The following HRH1 variants were observed in gnomAD, a reference collection of about 807,000 sequenced individuals.
HRH1 encodes histamine receptor H1.
Under a neutral mutation model 10.3 loss-of-function variants are expected in HRH1, and 6 were observed. That is an observed-to-expected ratio of 0.58 (90% CI 0.32 to 1.15). The LOEUF (loss-of-function observed/expected upper bound fraction) is 1.15. HRH1 is among the 50% of genes most tolerant of loss of function. HRH1 has a pLI of 0.05. For synonymous variants in HRH1, 242 were observed against 236.7 expected, an observed-to-expected ratio of 1.02 and a Z score of -0.21; for missense variants, 514 against 615.3, an observed-to-expected ratio of 0.84 and a Z score of 1.74.
rs542902902 is a variant in HRH1 at position 11,206,179 on chromosome 3, A to G, written c.-36+51625A>G. On this transcript the variant is annotated intron_variant, in intron 1 of 1. Transcript: ENST00000431010. ...ACCCAGGCTGGAGTGCAATGGTGCA[A>G]TCTCGGCCCACTGCAACTTCTGCCT... is the stretch of plus-strand genomic sequence containing the variant. Among the ~76,000 whole-genome samples the G allele has an allele frequency of 1.7e-4, 26 of 152,238 alleles. No homozygotes were observed. The South Asian group carries it at 5.4e-3, about 32-fold the overall frequency.
At chr3:11,148,196 A>G (rs1267976146) in intron 1 of HRH1, among the ~76,000 whole-genome samples, 1 of 149,266 alleles carries the variant, frequency 6.7e-6, no homozygotes, top group African/African-American at 2.5e-5. Flanking sequence ...AAAAAAAAAA[A>G]AAGAAAAGAA....
rs1001921495 is a variant in HRH1 at position 11,235,665 on chromosome 3, G to A, written c.-35-23338G>A. Among the ~76,000 whole-genome samples, 9 of 152,192 alleles carry A rather than the reference G, an allele frequency of 5.9e-5. No individual in the cohort carries two copies. In the East Asian group the frequency reaches 1.3e-3, roughly 23 times the overall value. ...GTCCCGGCTCCCTGCTAGGAATGGC[G>A]GGGACGCCACCCCAGCAAGGGGAGT... On this transcript the variant is annotated intron_variant, in intron 1 of 1. Coordinates refer to ENST00000431010, the MANE Select transcript of HRH1 (RefSeq NM_001098212.2).
At chr3:11,139,043 A>G (rs1936241334) in intron 1 of HRH1, among the ~76,000 whole-genome samples, 1 of 149,582 alleles carries the variant, frequency 6.7e-6, no homozygotes, top group African/African-American at 2.5e-5. Flanking sequence ...GCTAGAGTGC[A>G]ATGGTGCGAT....
intron 1 of HRH1, among the ~76,000 whole-genome samples, chr3:11,215,945 A>G (rs1161686988): frequency 2.0e-5 from 3 of 151,912 alleles, no homozygotes; most frequent in Admixed American, 6.6e-5. Context: ...ACATCTTTTC[A>G]TGTCATCAAA....
At chr3:11,191,539 G>T (rs1212177719) in intron 1 of HRH1, among the ~76,000 whole-genome samples, 2 of 152,148 alleles carry the variant, frequency 1.3e-5, no homozygotes, top group African/African-American at 4.8e-5. Context: ...GCCAAGTAGA[G>T]AATCTGTAAT....
intron 1 of HRH1, among the ~76,000 whole-genome samples, chr3:11,193,820 C>T (rs1330119422): frequency 6.6e-6 from 1 of 152,124 alleles, no homozygotes; most frequent in Non-Finnish European, 1.5e-5. Context: ...GAGCACTAAT[C>T]CCATTCAGGA....
At chr3:11,233,721 C>T (rs1458723348) in intron 1 of HRH1, among the ~76,000 whole-genome samples, 1 of 152,116 alleles carries the variant, frequency 6.6e-6, no homozygotes, top group Non-Finnish European at 1.5e-5. Context: ...CAAAATGTAT[C>T]GGGAATGAAG....
chr3:11,169,506 G>A (rs1937112742), intron 1 of HRH1, among the ~76,000 whole-genome samples: 1 of 152,170 alleles, frequency 6.6e-6, no homozygotes, highest in African/African-American at 2.4e-5. Context: ...AGGGCTCAGA[G>A]CACAGAGTGG....
chr3:11,214,443 C>T (rs1938426435), intron 1 of HRH1, among the ~76,000 whole-genome samples: 1 of 152,176 alleles, frequency 6.6e-6, no homozygotes, highest in Non-Finnish European at 1.5e-5. Context: ...CAAAAGAAAC[C>T]AGTCGGTAAT....
chr3:11,236,262 C>G (rs533642822), intron 1 of HRH1, among the ~76,000 whole-genome samples: 41 of 152,186 alleles, frequency 2.7e-4, no homozygotes, highest in Non-Finnish European at 4.7e-4. Context: ...GAAACACTGT[C>G]TACTAAATAC....
At chr3:11,219,714 C>CA (rs58875644) in intron 1 of HRH1, among the ~76,000 whole-genome samples, 2,090 of 76,006 alleles carry the variant, frequency 0.027, 116 homozygotes, top group African/African-American at 0.085. Context: ...GACTTCATCT[C>CA]AAAAAAAAAA....
rs1203959102 is a variant in HRH1, at chr3:11,259,963, A to C, written c.926A>C (p.His309Pro). 1.9e-6 allele frequency: 3 copies of C among 1,614,194 alleles called. No homozygotes were observed. Among genetic ancestry groups the C allele is most frequent in the Non-Finnish European group, 1.7e-6 (2 of 1,180,026 alleles). The change falls in exon 2 of 2, where the codon CAC becomes CCC. Residue 309 changes from histidine to proline, a missense_variant. Coordinates refer to ENST00000431010, the MANE Select transcript of HRH1 (RefSeq NM_001098212.2). The surrounding 1 kb of genome is among the most constrained non-coding windows in gnomAD (Gnocchi z 4.6). The stretch of plus-strand genomic sequence containing the variant: ...TACTGCTTTCCACTTGATATTGTGC[A>C]CATGCAGGCTGCGGCAGAGGGGAGT... Reference protein sequence around the residue: ...KLYCFPLDIVHMQAAAEGSSR... With the variant: ...KLYCFPLDIVPMQAAAEGSSR...
chr3:11,151,319 A>G (rs1267023289), upstream of HRH1, among the ~76,000 whole-genome samples: 2 of 152,236 alleles, frequency 1.3e-5, no homozygotes, highest in Non-Finnish European at 2.9e-5. Flanking sequence ...GACAGAAAAG[A>G]AAACAGAGTC....
chr3:11,155,902 A>G (rs1477323974), intron 1 of HRH1, among the ~76,000 whole-genome samples: 1 of 152,214 alleles, frequency 6.6e-6, no homozygotes, highest in Non-Finnish European at 1.5e-5. Context: ...AAGTACTATT[A>G]TTGAACAGAT....
At chr3:11,228,353 C>T (rs1222397248) in intron 1 of HRH1, among the ~76,000 whole-genome samples, 1 of 152,112 alleles carries the variant, frequency 6.6e-6, no homozygotes, top group Non-Finnish European at 1.5e-5. Context: ...TGCACTCCAG[C>T]CTGGGCAACA....
At chr3:11,233,905 G>T (rs1234815024) in intron 1 of HRH1, among the ~76,000 whole-genome samples, 1 of 152,170 alleles carries the variant, frequency 6.6e-6, no homozygotes, top group African/African-American at 2.4e-5. Context: ...GGAATATAAT[G>T]AATCAGAATA....
At chr3:11,162,051 T>G (rs1167381952) in intron 1 of HRH1, among the ~76,000 whole-genome samples, 1 of 152,050 alleles carries the variant, frequency 6.6e-6, no homozygotes, top group African/African-American at 2.4e-5. Flanking sequence ...ATGGGCTGAG[T>G]TGCCCACTCA....
At chr3:11,255,761 A>G (rs180966659) in intron 1 of HRH1, among the ~76,000 whole-genome samples, 6 of 152,302 alleles carry the variant, frequency 3.9e-5, no homozygotes, top group East Asian at 1.9e-4. Flanking sequence ...CATTCTTTTG[A>G]GTTTCTGATT....
intron 1 of HRH1, chr3:11,252,883 A>G (rs565560785): frequency 1.3e-5 from 2 of 152,020 alleles, no homozygotes; most frequent in East Asian, 1.9e-4. Context: ...CCTTGATCCC[A>G]TCTTTTGACC....
Sources: allele counts gnomAD v4.1 joint callset (sites outside exome capture counted in the v4.1 genomes callset), GRCh38; gene constraint gnomAD v4.1.1; non-coding constraint Gnocchi (gnomAD v3.1); transcripts MANE v1.5; gene names NCBI Gene and HGNC (gene_info 2026-07-23, HGNC 2026-07-21).